Variants in EDN1 observed in about 807,000 individuals in gnomAD.
EDN1 encodes the protein endothelin 1, also known as endothelin-1.
A neutral mutation model predicts 21.7 loss-of-function variants in EDN1; 11 were observed. The ratio of observed to expected loss-of-function variants is 0.51; its 90% confidence interval spans 0.32 to 0.84. The LOEUF is 0.84. Among genes scored for constraint, EDN1 ranks in the 40% least tolerant of loss-of-function variants. The pLI is 0.03. For synonymous variants in EDN1, 85 were observed against 90.6 expected, an observed-to-expected ratio of 0.94 and a Z score of 0.35; for missense variants, 244 against 262.3, an observed-to-expected ratio of 0.93 and a Z score of 0.48.
the EDN1 span, among the ~76,000 whole-genome samples, chr6:12,235,184 GT>G: frequency 6.6e-6 from 1 of 152,146 alleles, no homozygotes; most frequent in South Asian, 2.1e-4. Context: ...TAGAATAGGG[GT>G]TGGACTTCAC....
the EDN1 span, among the ~76,000 whole-genome samples, chr6:12,276,146 A>G: frequency 3.6e-3 from 494 of 137,976 alleles, 5 homozygotes; most frequent in African/African-American, 0.013. Flanking sequence ...TGGGTGACAG[A>G]GCAAGACTCC....
upstream of EDN1, among the ~76,000 whole-genome samples, chr6:12,288,362 C>G (rs73722759): frequency 8.8e-3 from 1,340 of 152,282 alleles, 13 homozygotes; most frequent in African/African-American, 0.03. Flanking sequence ...GCTCTCCTCT[C>G]CTCTCCCAAG....
At chr6:12,258,223 C>T in the EDN1 span, among the ~76,000 whole-genome samples, 90 of 151,160 alleles carry the variant, frequency 6.0e-4, no homozygotes, top group Non-Finnish European at 1.1e-3. Context: ...AGGCCAAAGC[C>T]GGAAGATCAT....
In EDN1 at chr6:12,296,202, C is replaced by T. The variant is rs778598164; in HGVS notation, c.*135C>T. On this transcript the variant is annotated 3_prime_UTR_variant, in exon 5 of 5. Coordinates refer to ENST00000379375, the MANE Select transcript of EDN1 (RefSeq NM_001955.5). ...CTGACTGGCAAAGGACCAGCGTCCT[C>T]GTTCAAAACATTCCAAGAAAGGTTA... 1.4e-4 allele frequency: 113 copies of T among 787,628 alleles called. No individual in the cohort carries two copies. The highest frequency in any genetic ancestry group is 2.2e-4 in the Non-Finnish European group (98 of 450,786). 48.8% of individuals were successfully genotyped at this position (787,628 alleles called of 1,614,324 possible).
At chr6:12,246,235 A>C in the EDN1 span, among the ~76,000 whole-genome samples, 1 of 152,176 alleles carries the variant, frequency 6.6e-6, no homozygotes, top group Non-Finnish European at 1.5e-5. Flanking sequence ...TGCCTGACTC[A>C]AGCCACCTGG....
chr6:12,280,598 A>C, the EDN1 span, among the ~76,000 whole-genome samples: 1 of 152,208 alleles, frequency 6.6e-6, no homozygotes, highest in African/African-American at 2.4e-5. Context: ...AATTTCTGTA[A>C]TAAATGTAGT....
At chr6:12,241,166 C>CTTTTTTTTTTT in the EDN1 span, among the ~76,000 whole-genome samples, 27 of 138,356 alleles carry the variant, frequency 2.0e-4, no homozygotes, top group South Asian at 4.5e-4. Flanking sequence ...TTCTTTCTTT[C>CTTTTTTTTTTT]TTTTTTTTTT....
chr6:12,230,671 T>G, the EDN1 span, among the ~76,000 whole-genome samples: 8 of 152,250 alleles, frequency 5.3e-5, no homozygotes, highest in South Asian at 1.7e-3. Context: ...TTGTTTGACC[T>G]CAGGTAGGAA....
chr6:12,254,079 T>C, the EDN1 span, among the ~76,000 whole-genome samples: 7 of 152,114 alleles, frequency 4.6e-5, no homozygotes, highest in African/African-American at 1.7e-4. Context: ...AGTCTACCCA[T>C]CTGATTATAA....
the EDN1 span, among the ~76,000 whole-genome samples, chr6:12,252,870 T>A: frequency 0.011 from 1,709 of 151,878 alleles, 26 homozygotes; most frequent in African/African-American, 0.04. Context: ...AAGATAAAGA[T>A]AAAAATATCC....
the EDN1 span, among the ~76,000 whole-genome samples, chr6:12,275,988 C>G: frequency 6.6e-6 from 1 of 151,988 alleles, no homozygotes; most frequent in African/African-American, 2.4e-5. Flanking sequence ...TGGTGAAACC[C>G]TGTCTCTACT....
intron 4 of EDN1, 103 bp from the exon 5 acceptor site, chr6:12,295,859 G>A: frequency 8.6e-7 from 1 of 1,164,490 alleles, no homozygotes; most frequent in Non-Finnish European, 1.3e-6. Context: ...TTCACAACCA[G>A]ATTCAGGTTT....
chr6:12,288,590 G>T (rs1762604854), upstream of EDN1, among the ~76,000 whole-genome samples: 2 of 152,200 alleles, frequency 1.3e-5, no homozygotes, highest in South Asian at 4.2e-4. Context: ...GTGTGGGAGG[G>T]AGAGTTCTTG....
At chr6:12,243,146 C>A in the EDN1 span, among the ~76,000 whole-genome samples, 3 of 152,018 alleles carry the variant, frequency 2.0e-5, no homozygotes, top group Admixed American at 6.6e-5. Context: ...GTATTATATA[C>A]TGTATTCTTA....
the EDN1 span, among the ~76,000 whole-genome samples, chr6:12,236,289 T>G: frequency 3.3e-5 from 2 of 60,732 alleles, no homozygotes. Flanking sequence ...GCCAAACAAT[T>G]TTTTTTTTTT....
chr6:12,238,678 T>C, the EDN1 span, among the ~76,000 whole-genome samples: 1 of 152,154 alleles, frequency 6.6e-6, no homozygotes, highest in Admixed American at 6.5e-5. Flanking sequence ...GATGGAGAAT[T>C]CTTCCCTTGC....
At chr6:12,265,141 C>G in the EDN1 span, among the ~76,000 whole-genome samples, 2 of 152,156 alleles carry the variant, frequency 1.3e-5, no homozygotes, top group Admixed American at 6.5e-5. Context: ...AAGAAGTTTC[C>G]GAAATGCCAG....
At chr6:12,276,528 G>A in the EDN1 span, among the ~76,000 whole-genome samples, 1 of 152,222 alleles carries the variant, frequency 6.6e-6, no homozygotes, top group African/African-American at 2.4e-5. Flanking sequence ...GGTGTAATAA[G>A]TGTTATGCAA....
the EDN1 span, among the ~76,000 whole-genome samples, chr6:12,274,526 C>T: frequency 6.6e-6 from 1 of 152,202 alleles, no homozygotes; most frequent in East Asian, 1.9e-4. Context: ...ATATGTTTCT[C>T]CCCCAATTAG....
Sources: gnomAD v4.1 joint callset for allele counts (sites outside exome capture counted in the v4.1 genomes callset) on GRCh38, gnomAD v4.1.1 for gene constraint, MANE v1.5 for transcripts, NCBI Gene and HGNC (gene_info 2026-07-23, HGNC 2026-07-21) for gene names.